DCC: variants seen among roughly 807,000 people sequenced by gnomAD.
DCC encodes DCC netrin 1 receptor, also known as netrin receptor DCC.
DCC carries 58 observed loss-of-function variants against 172.5 expected under a neutral mutation model. The observed-to-expected ratio is 0.34, with a 90% CI of 0.27 to 0.42. The LOEUF (loss-of-function observed/expected upper bound fraction) is 0.42. Ranked by LOEUF, DCC falls within the 10% of genes least tolerant of loss-of-function variation. The probability of loss-of-function intolerance (pLI) is 1.00; values close to 1 mark genes in which losing one functional copy is unlikely to be tolerated. For missense variants in DCC, 1,740 were observed against 1,791.0 expected (o/e 0.97, Z 0.51); for synonymous variants, 709 against 644.5 (o/e 1.10, Z -1.52).
At chr18:53,321,980 G>A (rs2057416504) in intron 13 of DCC, 67 bp from the exon 14 acceptor site, 5 of 869,670 alleles carry the variant, frequency 5.7e-6, no homozygotes, top group East Asian at 4.8e-5. Context: ...TGAAGCTTTT[G>A]GAAACCCAGG....
chr18:52,412,316 T>G (rs1326591322), intron 1 of DCC, among the ~76,000 whole-genome samples: 1 of 152,112 alleles, frequency 6.6e-6, no homozygotes. Flanking sequence ...TCATGGTTAA[T>G]GTACCCTGTT....
intron 1 of DCC, among the ~76,000 whole-genome samples, chr18:52,394,456 T>C (rs1465629879): frequency 2.0e-5 from 3 of 151,716 alleles, no homozygotes; most frequent in Admixed American, 6.6e-5. Context: ...TTTTTTTTTT[T>C]GTAGAGGTGG....
intron 25 of DCC, among the ~76,000 whole-genome samples, chr18:53,473,196 C>A (rs2045719827): frequency 6.6e-6 from 1 of 152,180 alleles, no homozygotes; most frequent in Non-Finnish European, 1.5e-5. Context: ...TTATTACACA[C>A]AATACTGCCT....
chr18:52,728,443 C>T (rs2145089501), intron 1 of DCC, among the ~76,000 whole-genome samples: 1 of 152,238 alleles, frequency 6.6e-6, no homozygotes, highest in Non-Finnish European at 1.5e-5. Flanking sequence ...AAGTAGTTTG[C>T]CTTTCTTCTC....
At chr18:52,886,228 G>T (rs1401904320) in intron 2 of DCC, among the ~76,000 whole-genome samples, 1 of 152,062 alleles carries the variant, frequency 6.6e-6, no homozygotes, top group African/African-American at 2.4e-5. Context: ...ACTAGGAATT[G>T]CCTAGGAATT....
intron 2 of DCC, among the ~76,000 whole-genome samples, chr18:52,827,549 T>G (rs987746171): frequency 5.9e-5 from 9 of 152,238 alleles, no homozygotes; most frequent in Non-Finnish European, 1.2e-4. Context: ...CTCTTTTCAG[T>G]AGACTTGACT....
At chr18:52,712,983 T>G in intron 1 of DCC, among the ~76,000 whole-genome samples, 1 of 152,220 alleles carries the variant, frequency 6.6e-6, no homozygotes, top group East Asian at 1.9e-4. Context: ...TCTAAGGGAA[T>G]CAGAGCTCAC....
At chr18:52,435,485 C>T (rs182527786) in intron 1 of DCC, among the ~76,000 whole-genome samples, 2 of 152,282 alleles carry the variant, frequency 1.3e-5, no homozygotes, top group Non-Finnish European at 2.9e-5. Context: ...ACCACACACA[C>T]GCTAATGCTC....
chr18:53,411,071 CAGAA>C (rs1256702829), intron 20 of DCC, among the ~76,000 whole-genome samples: 1 of 151,474 alleles, frequency 6.6e-6, no homozygotes, highest in African/African-American at 2.4e-5. Flanking sequence ...TATGACAAGA[CAGAA>C]AGTTCCAAAC....
chr18:53,116,817 C>T (rs1449902534), intron 7 of DCC, among the ~76,000 whole-genome samples: 1 of 151,608 alleles, frequency 6.6e-6, no homozygotes. Flanking sequence ...ATATTGCTAA[C>T]CTTTTAAAAA....
intron 1 of DCC, among the ~76,000 whole-genome samples, chr18:52,631,230 G>T (rs1427428621): frequency 6.6e-6 from 1 of 152,036 alleles, no homozygotes. Flanking sequence ...TTATTTAATT[G>T]CATGTTTATG....
chr18:52,759,652 A>T (rs905062640), intron 2 of DCC, among the ~76,000 whole-genome samples: 10 of 152,318 alleles, frequency 6.6e-5, no homozygotes, highest in Admixed American at 1.3e-4. Context: ...CCTTTTTGGA[A>T]TACAAAAATT....
intron 12 of DCC, among the ~76,000 whole-genome samples, chr18:53,297,497 G>A (rs569120979): frequency 1.8e-4 from 28 of 152,222 alleles, no homozygotes; most frequent in Admixed American, 1.6e-3. Context: ...AGTAATAAAA[G>A]GACCAAAAGT....
chr18:53,106,808 T>C (rs2043254931), intron 7 of DCC, among the ~76,000 whole-genome samples: 1 of 151,944 alleles, frequency 6.6e-6, no homozygotes, highest in Non-Finnish European at 1.5e-5. Flanking sequence ...TTAGGCACAA[T>C]ACTTGTTTCA....
chr18:53,339,055 A>G (rs572889492), intron 14 of DCC, among the ~76,000 whole-genome samples: 123 of 152,358 alleles, frequency 8.1e-4, no homozygotes, highest in African/African-American at 2.7e-3. Context: ...CAGAGAAGTG[A>G]AATAATTTCA....
chr18:52,480,454 C>T (rs1254002259), intron 1 of DCC, among the ~76,000 whole-genome samples: 1 of 152,088 alleles, frequency 6.6e-6, no homozygotes, highest in African/African-American at 2.4e-5. Flanking sequence ...ATAAGCAAAC[C>T]TATTCCTTAG....
At chr18:53,480,091 C>T (rs1194289233) in intron 25 of DCC, among the ~76,000 whole-genome samples, 3 of 152,160 alleles carry the variant, frequency 2.0e-5, no homozygotes, top group African/African-American at 7.2e-5. Flanking sequence ...AAATGTACAC[C>T]TGGATGTTCA....
intron 1 of DCC, among the ~76,000 whole-genome samples, chr18:52,423,577 T>G (rs1459296098): frequency 6.6e-6 from 1 of 152,014 alleles, no homozygotes; most frequent in Non-Finnish European, 1.5e-5. Flanking sequence ...TTCCATTCTG[T>G]CAGTAGGCAG....
chr18:53,241,799 T>C (rs1365074976), intron 12 of DCC, among the ~76,000 whole-genome samples: 2 of 152,142 alleles, frequency 1.3e-5, no homozygotes, highest in Non-Finnish European at 2.9e-5. Flanking sequence ...GTTCCCTCTG[T>C]GTGATCTGCC....
Sources: gnomAD v4.1 joint callset for allele counts (sites outside exome capture counted in the v4.1 genomes callset) on GRCh38, gnomAD v4.1.1 for gene constraint, MANE v1.5 for transcripts, NCBI Gene and HGNC (gene_info 2026-07-23, HGNC 2026-07-21) for gene names.